The following COL9A1 variants were observed in gnomAD, a reference collection of about 807,000 sequenced individuals.
COL9A1 encodes collagen type IX alpha 1 chain.
In COL9A1, 104 loss-of-function variants were observed where a neutral mutation model predicts 142.6. That is an observed-to-expected ratio of 0.73 (90% confidence interval 0.62 to 0.86). The LOEUF is 0.86. Ranked by LOEUF, COL9A1 falls within the 40% of genes least tolerant of loss-of-function variation. COL9A1 has a pLI of 0.00. For synonymous variants in COL9A1, 466 were observed against 396.0 expected (o/e 1.18, Z -2.10); for missense variants, 1,210 against 1,176.6 (o/e 1.03, Z -0.42).
At chr6:70,283,449 G>A (rs1310739915) in intron 6 of COL9A1, among the ~76,000 whole-genome samples, 1 of 152,212 alleles carries the variant, frequency 6.6e-6, no homozygotes, top group Admixed American at 6.5e-5. Flanking sequence ...AAGTGTTCTT[G>A]GACATGTTTG....
At chr6:70,267,513 C>A (rs951706189) in intron 17 of COL9A1, among the ~76,000 whole-genome samples, 4 of 151,308 alleles carry the variant, frequency 2.6e-5, no homozygotes, top group Admixed American at 1.3e-4. Context: ...GTAGAGACAG[C>A]GTTTCTCCAT....
At chr6:70,291,930 T>A (rs935258665) in intron 5 of COL9A1, among the ~76,000 whole-genome samples, 1 of 152,182 alleles carries the variant, frequency 6.6e-6, no homozygotes, top group African/African-American at 2.4e-5. Flanking sequence ...GATAATGCTA[T>A]CTCTACTTTC....
intron 21 of COL9A1, among the ~76,000 whole-genome samples, 197 bp downstream of exon 21, chr6:70,256,571 C>G (rs979798465): frequency 1.3e-5 from 2 of 152,000 alleles, no homozygotes; most frequent in Non-Finnish European, 2.9e-5. Context: ...AGAAAAAAAT[C>G]ATGTCAAGTC....
chr6:70,240,813 T>C (rs1770208932), intron 31 of COL9A1, 80 bp from the exon 32 acceptor site: 1 of 1,059,722 alleles, frequency 9.4e-7, no homozygotes, highest in Non-Finnish European at 1.5e-6. Flanking sequence ...TTGATAAGCA[T>C]TCATAAGTGC....
Position 70,217,094 on chromosome 6 carries a change from G to C in COL9A1, c.2582-13C>G. 1.9e-6 allele frequency: 3 copies of C among 1,613,724 alleles called. No individual in the cohort carries two copies. The highest frequency in any genetic ancestry group is 2.5e-6 in the Non-Finnish European group (3 of 1,179,862). Reference sequence around the variant, plus strand: ...GGGCCTGGGTCACCTGAAACACACAGAAGATTGCACATGTGAACAGGAGAA... The same window carrying C: ...GGGCCTGGGTCACCTGAAACACACACAAGATTGCACATGTGAACAGGAGAA... On this transcript the variant is annotated splice_polypyrimidine_tract_variant and intron_variant, in intron 37 of 37. Transcript: ENST00000357250.
At chr6:70,279,701 T>C (rs1360884096) in intron 10 of COL9A1, 1 of 254,946 alleles carries the variant, frequency 3.9e-6, no homozygotes, top group Non-Finnish European at 7.2e-6. Context: ...CTAAATAGTA[T>C]AGACACAGTA....
intron 28 of COL9A1, 123 bp from the exon 29 acceptor site, chr6:70,242,838 A>T (rs746048560): frequency 8.9e-5 from 73 of 817,290 alleles, no homozygotes; most frequent in Non-Finnish European, 1.4e-4. Flanking sequence ...AGGCCATCCT[A>T]CATAGTGCCT....
At chr6:70,227,965 G>A (rs936081071) in intron 36 of COL9A1, among the ~76,000 whole-genome samples, 13 of 152,096 alleles carry the variant, frequency 8.5e-5, no homozygotes, top group African/African-American at 3.1e-4. Context: ...TGCTTGTAAG[G>A]ATATGTAAGA....
At chr6:70,229,553 T>C (rs1400231265) in intron 36 of COL9A1, among the ~76,000 whole-genome samples, 2 of 152,204 alleles carry the variant, frequency 1.3e-5, no homozygotes, top group Non-Finnish European at 2.9e-5. Context: ...TTAGTCATAA[T>C]TATGACATGT....
At chr6:70,285,898 T>G (rs748986160) in intron 5 of COL9A1, among the ~76,000 whole-genome samples, 6 of 152,218 alleles carry the variant, frequency 3.9e-5, no homozygotes. Flanking sequence ...TCTTTCTTTT[T>G]TATTTTTTTT....
chr6:70,257,619 T>C (rs1771402894), intron 20 of COL9A1, among the ~76,000 whole-genome samples: 1 of 152,116 alleles, frequency 6.6e-6, no homozygotes, highest in Non-Finnish European at 1.5e-5. Context: ...TGTTGGCACA[T>C]GCCTGTAATC....
intron 36 of COL9A1, among the ~76,000 whole-genome samples, chr6:70,231,619 C>T (rs1350423651): frequency 6.6e-6 from 1 of 151,612 alleles, no homozygotes; most frequent in African/African-American, 2.4e-5. Context: ...TAGCCAACTG[C>T]ATCAGCAGTT....
In COL9A1 at chr6:70,241,453, C is replaced by A. The variant is rs781411054; in HGVS notation, c.2000G>T (p.Gly667Val). 2.5e-6 allele frequency: 4 copies of A among 1,609,152 alleles called. No homozygotes were observed. The South Asian group carries it at 4.4e-5, about 18-fold the overall frequency. Reference protein sequence around the residue: ...PGLPGMKGDRGVVGEPGPKGE... With the variant: ...PGLPGMKGDRVVVGEPGPKGE... ...CTTTGGACCCGGTTCACCGACTACA[C>A]CCTGTAATAAATAAAATATAATACT... Residue 667 changes from glycine to valine, a missense_variant and splice_region_variant, in exon 31 of 38, where the codon GGT becomes GTT. Transcript: ENST00000357250.
intron 18 of COL9A1, 125 bp from the exon 19 acceptor site, chr6:70,263,422 T>A: frequency 1.4e-6 from 1 of 713,860 alleles, no homozygotes; most frequent in African/African-American, 1.8e-5. Flanking sequence ...TATTCTACTT[T>A]CTTAAATTAT....
At chr6:70,281,363 A>G (rs770439326) in intron 8 of COL9A1, 27 bp downstream of exon 8, 1 of 1,608,596 alleles carries the variant, frequency 6.2e-7, no homozygotes, top group South Asian at 1.1e-5. Flanking sequence ...ACTGGGGAAC[A>G]GAGGTGGCCT....
At chr6:70,231,126 G>A (rs1482987866) in intron 36 of COL9A1, among the ~76,000 whole-genome samples, 1 of 152,144 alleles carries the variant, frequency 6.6e-6, no homozygotes, top group African/African-American at 2.4e-5. Flanking sequence ...GACTCAGTGT[G>A]GACCAGCGAA....
intron 20 of COL9A1, among the ~76,000 whole-genome samples, chr6:70,258,388 G>A (rs927788451): frequency 4.6e-5 from 7 of 152,084 alleles, no homozygotes; most frequent in South Asian, 2.1e-4. Context: ...CCAGGTGGAC[G>A]GCATGTGTAG....
chr6:70,227,495 T>C (rs1769308549), intron 36 of COL9A1, among the ~76,000 whole-genome samples: 1 of 144,826 alleles, frequency 6.9e-6, no homozygotes, highest in Admixed American at 6.9e-5. Flanking sequence ...CAAAGTTCAA[T>C]TAAAGATATA....
At chr6:70,286,275 A>G (rs1773448319) in intron 5 of COL9A1, among the ~76,000 whole-genome samples, 1 of 152,240 alleles carries the variant, frequency 6.6e-6, no homozygotes, top group African/African-American at 2.4e-5. Context: ...CATTTAAGCA[A>G]GGAATTTTGG....
Sources: allele counts gnomAD v4.1 joint callset (sites outside exome capture counted in the v4.1 genomes callset), GRCh38; gene constraint gnomAD v4.1.1; transcripts MANE v1.5; gene names NCBI Gene and HGNC (gene_info 2026-07-23, HGNC 2026-07-21).